The following ENTPD7 variants were observed in gnomAD, a reference collection of about 807,000 sequenced individuals.
ENTPD7 encodes the protein NTPDase 7.
A neutral mutation model predicts 77.9 loss-of-function variants in ENTPD7; 53 were observed. The observed-to-expected ratio is 0.68, with a 90% CI of 0.55 to 0.85. The LOEUF (loss-of-function observed/expected upper bound fraction) is 0.85, where lower values mean the gene tolerates loss of function less well. Among genes scored for constraint, ENTPD7 ranks in the 40% least tolerant of loss-of-function variants. The probability of loss-of-function intolerance (pLI) is 0.00; values close to 1 mark genes in which losing one functional copy is unlikely to be tolerated. For synonymous variants in ENTPD7, 248 were observed against 274.9 expected (o/e 0.90, Z 0.97); for missense variants, 636 against 743.7 (o/e 0.86, Z 1.68).
intron 3 of ENTPD7, among the ~76,000 whole-genome samples, chr10:99,671,206 A>T (rs1004030465): frequency 3.3e-5 from 5 of 151,986 alleles, no homozygotes; most frequent in African/African-American, 7.2e-5. Context: ...AAAATTATTT[A>T]AAAATTTTTT....
In ENTPD7 at chr10:99,710,877, C is replaced by A; in HGVS notation, c.*6194C>A. The A allele has an allele frequency of 2.0e-6, 2 of 985,278 alleles. No homozygotes were observed. The highest frequency in any genetic ancestry group is 2.4e-6 in the Non-Finnish European group (2 of 829,846). 61.0% of individuals were successfully genotyped at this position (985,278 alleles called of 1,614,324 possible). The stretch of plus-strand genomic sequence containing the variant: ...ATTCTAGGTTGACTGATTAAGAAAG[C>A]CATGTGTTTTAATTTCCTTCATGTT... On this transcript the variant is annotated 3_prime_UTR_variant, in exon 13 of 13. Coordinates refer to ENST00000370489, the MANE Select transcript of ENTPD7 (RefSeq NM_020354.5).
intron 5 of ENTPD7, among the ~76,000 whole-genome samples, chr10:99,685,407 T>C (rs989413736): frequency 1.3e-5 from 2 of 152,256 alleles, no homozygotes; most frequent in Admixed American, 6.5e-5. Flanking sequence ...ATCTTTGTTT[T>C]ACAGTAGTGA....
In ENTPD7 at chr10:99,710,281, C is replaced by T. The variant is rs1564641213; in HGVS notation, c.*5598C>T. On this transcript the variant is annotated 3_prime_UTR_variant, in exon 13 of 13. Coordinates refer to ENST00000370489, the MANE Select transcript of ENTPD7 (RefSeq NM_020354.5). ...TTTCTGCAAGCAGGGATCCCAGACA[C>T]ATACTTTGGTTTCTAGTGTTTCAGT... is the stretch of plus-strand genomic sequence containing the variant. 1.0e-6 allele frequency: 1 copy of T among 985,300 alleles called. No individual in the cohort carries two copies. The highest frequency in any genetic ancestry group is 1.7e-5 in the African/African-American group (1 of 57,236). The allele number at this position is 985,300 out of a possible 1,614,324, so 61.0% of individuals were successfully genotyped here.
Position 99,710,535 on chromosome 10 carries a change from CAAT to C in ENTPD7, c.*5856_*5858del. On this transcript the variant is annotated 3_prime_UTR_variant, in exon 13 of 13. Coordinates refer to ENST00000370489, the MANE Select transcript of ENTPD7 (RefSeq NM_020354.5). ...GTTTTTTCTACTGCTTCACATTAAACAATAATTTTGTTGAATTTTGAATTCTTA... is the reference window on the plus strand; with the variant it reads ...GTTTTTTCTACTGCTTCACATTAAACAATTTTGTTGAATTTTGAATTCTTA... The C allele has an allele frequency of 1.0e-6, 1 of 985,362 alleles. No individual in the cohort carries two copies. Among genetic ancestry groups the C allele is most frequent in the Non-Finnish European group, 1.2e-6 (1 of 829,928 alleles). The allele number at this position is 985,362 out of a possible 1,614,324, so 61.0% of individuals were successfully genotyped here. A position where few individuals can be genotyped will look rare whatever the true frequency, so the allele number is the denominator to read the frequency against.
chr10:99,661,719 T>G, intron 3 of ENTPD7, 91 bp downstream of exon 3: 1 of 1,097,422 alleles, frequency 9.1e-7, no homozygotes, highest in Non-Finnish European at 1.2e-6. Context: ...TGGGTGATAC[T>G]GTACTTTTAT....
At chr10:99,671,128 G>A (rs866554273) in intron 3 of ENTPD7, among the ~76,000 whole-genome samples, 24 of 152,210 alleles carry the variant, frequency 1.6e-4, no homozygotes, top group African/African-American at 5.1e-4. Flanking sequence ...AGTGGTGAGT[G>A]TGAAGGCCTC....
At chr10:99,668,052 A>G (rs7896968) in intron 3 of ENTPD7, among the ~76,000 whole-genome samples, 126,735 of 150,660 alleles carry the variant, frequency 0.84, 53,479 homozygotes, top group Middle Eastern at 0.92. Context: ...CTCATGCCTT[A>G]GCCTCCCGAG....
At chr10:99,676,452 C>T (rs754923653) in intron 3 of ENTPD7, among the ~76,000 whole-genome samples, 1 of 152,074 alleles carries the variant, frequency 6.6e-6, no homozygotes, top group Non-Finnish European at 1.5e-5. Flanking sequence ...GGATGGGATC[C>T]AGAATCTTGC....
rs1448533798 is a variant in ENTPD7, at chr10:99,661,570, T to C, written c.133T>C (p.Leu45=). The change falls in exon 3 of 13, where the codon TTA becomes CTA. Residue 45 remains leucine, a synonymous_variant. Coordinates refer to ENST00000370489, the MANE Select transcript of ENTPD7 (RefSeq NM_020354.5). ...CATATCCTGTCTCCTTTTACTTATG[T>C]TAATCATAGACTTTCGACATTGGAG... ...FFISCLLLLM[L]IIDFRHWSAS... The C allele has an allele frequency of 2.5e-6, 4 of 1,613,906 alleles. No homozygotes were observed. The South Asian group carries it at 4.4e-5, about 18-fold the overall frequency.
intron 7 of ENTPD7, among the ~76,000 whole-genome samples, chr10:99,690,574 G>C (rs889724989): frequency 1.3e-4 from 17 of 129,936 alleles, no homozygotes; most frequent in Admixed American, 5.7e-4. Context: ...AGACAGTCTT[G>C]CTCTGTCACC....
chr10:99,666,277 G>A (rs945775148), intron 3 of ENTPD7, among the ~76,000 whole-genome samples: 3 of 151,678 alleles, frequency 2.0e-5, no homozygotes, highest in Non-Finnish European at 2.9e-5. Context: ...GCGCTATCTC[G>A]GCTCACTACA....
In ENTPD7 at chr10:99,661,436, C is replaced by A; in HGVS notation, c.9-10C>A. On this transcript the variant is annotated splice_polypyrimidine_tract_variant and intron_variant, in intron 2 of 12. Transcript: ENST00000370489. The stretch of plus-strand genomic sequence containing the variant: ...ATGTTTCAGACTTACTAATGTTTGT[C>A]TAATTTCAGGATCAGTTTTTCCTAC... 2 of 1,584,064 alleles carry A rather than the reference C, an allele frequency of 1.3e-6. No individual in the cohort carries two copies. Among genetic ancestry groups the A allele is most frequent in the Non-Finnish European group, 1.7e-6 (2 of 1,168,042 alleles).
intron 10 of ENTPD7, among the ~76,000 whole-genome samples, chr10:99,700,449 T>G (rs2036096552): frequency 6.7e-6 from 1 of 150,300 alleles, no homozygotes; most frequent in Admixed American, 6.6e-5. Flanking sequence ...TGTGTGTTTA[T>G]TGTCTGTCTC....
At chr10:99,685,988 A>G in intron 6 of ENTPD7, 93 bp downstream of exon 6, 4 of 753,612 alleles carry the variant, frequency 5.3e-6, no homozygotes, top group Non-Finnish European at 8.5e-6. Flanking sequence ...TATATATCGG[A>G]TTTTAATTTT....
In ENTPD7 at chr10:99,659,672, C is replaced by CG; in HGVS notation, c.-96+86dup. On this transcript the variant is annotated intron_variant, in intron 1 of 12. Coordinates refer to ENST00000370489, the MANE Select transcript of ENTPD7 (RefSeq NM_020354.5). The surrounding 1 kb of genome is among the most constrained non-coding windows in gnomAD (Gnocchi z 4.1). The stretch of plus-strand genomic sequence containing the variant: ...CCACACCCCGCCACCTGGGGACGAC[C>CG]GGTTCCTAGAGGACAGAGCTGGCCC... 1 of 322,152 alleles carries CG rather than the reference C, an allele frequency of 3.1e-6. No homozygotes were observed. Among genetic ancestry groups the CG allele is most frequent in the Non-Finnish European group, 5.7e-6 (1 of 174,430 alleles). The allele number at this position is 322,152 out of a possible 1,614,324, so 20.0% of individuals were successfully genotyped here.
intron 7 of ENTPD7, among the ~76,000 whole-genome samples, chr10:99,689,267 A>G (rs1452953263): frequency 6.6e-6 from 1 of 152,172 alleles, no homozygotes; most frequent in Admixed American, 6.5e-5. Context: ...TTTCTCAAGA[A>G]TGTTTATTCG....
At chr10:99,663,491 C>T (rs1469063510) in intron 3 of ENTPD7, among the ~76,000 whole-genome samples, 3 of 143,514 alleles carry the variant, frequency 2.1e-5, no homozygotes, top group African/African-American at 2.6e-5. Flanking sequence ...GAGACTATCT[C>T]GCGCATCTCC....
At chr10:99,694,418 T>C (rs558496216) in intron 8 of ENTPD7, among the ~76,000 whole-genome samples, 103 of 152,332 alleles carry the variant, frequency 6.8e-4, no homozygotes, top group Middle Eastern at 3.4e-3. Context: ...AACCATGCTG[T>C]ATTTTGTTTA....
intron 3 of ENTPD7, among the ~76,000 whole-genome samples, chr10:99,676,969 C>T (rs918783786): frequency 2.0e-5 from 3 of 152,252 alleles, no homozygotes; most frequent in South Asian, 2.1e-4. Context: ...AGGAAAGGTA[C>T]TCTACTTTTT....
Sources: allele counts gnomAD v4.1 joint callset (sites outside exome capture counted in the v4.1 genomes callset), GRCh38; gene constraint gnomAD v4.1.1; non-coding constraint Gnocchi (gnomAD v3.1); transcripts MANE v1.5; gene names NCBI Gene and HGNC (gene_info 2026-07-23, HGNC 2026-07-21).